Variants in SYCP2 observed in about 807,000 individuals in gnomAD.
SYCP2 encodes the protein synaptonemal complex lateral element protein.
SYCP2 carries 55 observed loss-of-function variants against 211.3 expected under a neutral mutation model. The ratio of observed to expected loss-of-function variants is 0.26; its 90% CI spans 0.21 to 0.33. The LOEUF is 0.33. Among genes scored for constraint, SYCP2 ranks in the 10% least tolerant of loss-of-function variants. The pLI is 1.00. For synonymous variants in SYCP2, 570 were observed against 555.2 expected (o/e 1.03, Z -0.37); for missense variants, 1,731 against 1,752.0 (o/e 0.99, Z 0.21).
intron 18 of SYCP2, among the ~76,000 whole-genome samples, chr20:59,899,366 C>G (rs2060071928): frequency 6.6e-6 from 1 of 152,100 alleles, no homozygotes; most frequent in Admixed American, 6.5e-5. Flanking sequence ...CAGGAAAGGT[C>G]TTGGAGAGAC....
chr20:59,919,968 T>C (rs995578799), intron 5 of SYCP2, among the ~76,000 whole-genome samples: 1 of 151,706 alleles, frequency 6.6e-6, no homozygotes. Context: ...ATTTAGATAT[T>C]TGAGTACATA....
At chr20:59,918,018 T>A (rs2060474598) in intron 7 of SYCP2, among the ~76,000 whole-genome samples, 1 of 152,226 alleles carries the variant, frequency 6.6e-6, no homozygotes, top group African/African-American at 2.4e-5. Flanking sequence ...CTTGTCAGTT[T>A]ACCCATGGTC....
chr20:59,870,013 A>C (rs1211660514), intron 35 of SYCP2, 30 bp from the exon 36 acceptor site: 1 of 1,447,432 alleles, frequency 6.9e-7, no homozygotes, highest in African/African-American at 1.4e-5. Flanking sequence ...AAAACCCAAT[A>C]AGAAGTTACA....
chr20:59,874,661 C>A (rs1423403242), intron 34 of SYCP2, among the ~76,000 whole-genome samples: 1 of 151,848 alleles, frequency 6.6e-6, no homozygotes, highest in Admixed American at 6.6e-5. Flanking sequence ...TGTATTTTAA[C>A]TGAAATGATT....
intron 2 of SYCP2, among the ~76,000 whole-genome samples, chr20:59,924,222 C>T (rs964224970): frequency 2.6e-5 from 4 of 151,960 alleles, no homozygotes; most frequent in Non-Finnish European, 5.9e-5. Context: ...GTCATTTCTC[C>T]ACCCAATTAA....
At chr20:59,885,058 C>G (rs1435089485) in intron 26 of SYCP2, 1 of 151,830 alleles carries the variant, frequency 6.6e-6, no homozygotes, top group African/African-American at 2.4e-5. Context: ...GTTTAAAGTT[C>G]ATTGCAAAGG....
At chr20:59,896,000 C>T (rs1414994735) in intron 19 of SYCP2, among the ~76,000 whole-genome samples, 3 of 151,912 alleles carry the variant, frequency 2.0e-5, no homozygotes, top group East Asian at 3.9e-4. Context: ...CACTAGGTAA[C>T]TTATTAAATG....
intron 26 of SYCP2, among the ~76,000 whole-genome samples, chr20:59,883,564 G>A (rs998732621): frequency 4.0e-5 from 6 of 151,670 alleles, no homozygotes; most frequent in Non-Finnish European, 8.8e-5. Flanking sequence ...ACCAAGACAA[G>A]AGGACATTAT....
intron 26 of SYCP2, among the ~76,000 whole-genome samples, chr20:59,883,199 A>ATTAGC (rs1676511162): frequency 6.6e-6 from 1 of 152,008 alleles, no homozygotes; most frequent in African/African-American, 2.4e-5. Flanking sequence ...AAATACAAAA[A>ATTAGC]TTAGCTGAGC....
At position 59,893,143 on chromosome 20, in the gene SYCP2, T is replaced by C. The variant is rs747646328; in HGVS notation, c.1792A>G (p.Ile598Val). 4.4e-6 allele frequency: 7 copies of C among 1,589,848 alleles called. No homozygotes were observed. The highest frequency in any genetic ancestry group is 1.7e-4 in the Middle Eastern group (1 of 5,784). The change falls in exon 22 of 45, where the codon ATA (isoleucine) becomes GTA (valine). Residue 598 changes from isoleucine (I) to valine (V), a missense_variant and splice_region_variant. By Grantham distance (29) the Ile-to-Val change is conservative (BLOSUM62 3). Around this residue, in one of 3 missense-constraint regions of SYCP2, gnomAD observed 1,387 missense variants for 1,351.3 expected, o/e 1.03. Coordinates refer to ENST00000357552, the MANE Select transcript of SYCP2 (RefSeq NM_014258.4). The part of the protein sequence containing the change: ...SQAAEKRDHT[I>V]LPGVLDNICG... ...ATTTGATGGTTTTCTCATACTTACA[T>C]AGTATGATCTCTTTTTTCCGCTGCC... is the stretch of plus-strand genomic sequence containing the variant.
chr20:59,868,314 A>T (rs1416034842), intron 38 of SYCP2, 99 bp downstream of exon 38: 21 of 1,244,304 alleles, frequency 1.7e-5, no homozygotes, highest in Non-Finnish European at 2.2e-5. Flanking sequence ...ACATATCCAA[A>T]GTTGTCTTTA....
At chr20:59,885,900 T>A (rs1048320272) in intron 26 of SYCP2, 28 bp downstream of exon 26, 1 of 1,559,768 alleles carries the variant, frequency 6.4e-7, no homozygotes, top group Non-Finnish European at 8.8e-7. Flanking sequence ...GACTATAGAT[T>A]TGGTGAAGTT....
At chr20:59,931,023 G>A (rs752772189) in intron 2 of SYCP2, among the ~76,000 whole-genome samples, 2 of 152,128 alleles carry the variant, frequency 1.3e-5, no homozygotes, top group Non-Finnish European at 2.9e-5. Flanking sequence ...TATGAATTAT[G>A]TAAGTATTTT....
chr20:59,917,758 G>A (rs1373216117), intron 7 of SYCP2, among the ~76,000 whole-genome samples: 1 of 152,138 alleles, frequency 6.6e-6, no homozygotes, highest in African/African-American at 2.4e-5. Context: ...AAAATAAGTT[G>A]GATCTGATTG....
At chr20:59,908,254 A>G (rs540940289) in intron 14 of SYCP2, among the ~76,000 whole-genome samples, 1 of 151,576 alleles carries the variant, frequency 6.6e-6, no homozygotes, top group South Asian at 2.1e-4. Context: ...ATCTCAAACA[A>G]AACAGAACAA....
Position 59,880,323 on chromosome 20 carries a change from T to C in SYCP2, c.2921A>G (p.Asn974Ser). The part of the protein sequence containing the change: ...IDYSRNKNVK[N>S]HKSGKSRSSL... ...CTTACTTGATTTTCCACTTTTATGATTCTTCACATTTTTATTTCTGCTATA... is the reference window on the plus strand; with the variant it reads ...CTTACTTGATTTTCCACTTTTATGACTCTTCACATTTTTATTTCTGCTATA... Residue 974 changes from asparagine to serine, a missense_variant, in exon 31 of 45, where the codon AAT becomes AGT. Around this residue, in one of 3 missense-constraint regions of SYCP2, gnomAD observed 1,387 missense variants for 1,351.3 expected, o/e 1.03. Transcript: ENST00000357552. The C allele has an allele frequency of 6.3e-7, 1 of 1,586,100 alleles. No homozygotes were observed. The highest frequency in any genetic ancestry group is 8.6e-7 in the Non-Finnish European group (1 of 1,164,444).
intron 15 of SYCP2, among the ~76,000 whole-genome samples, chr20:59,902,649 T>C (rs1293650671): frequency 6.6e-6 from 1 of 152,168 alleles, no homozygotes; most frequent in Non-Finnish European, 1.5e-5. Context: ...AAATGTCCTA[T>C]AGGCTATGAA....
chr20:59,892,634 C>T lies in SYCP2; in HGVS notation c.1861G>A (p.Val621Ile), dbSNP rs2059928914. 1.2e-6 allele frequency: 2 copies of T among 1,610,808 alleles called. No individual in the cohort carries two copies. The highest frequency in any genetic ancestry group is 1.3e-5 in the African/African-American group (1 of 74,850). Residue 621 changes from valine (V) to isoleucine (I), a missense_variant, in exon 23 of 45, where the codon GTA (valine) becomes ATA (isoleucine). Physicochemically the swap from Val to Ile is conservative, Grantham distance 29. Coordinates refer to ENST00000357552, the MANE Select transcript of SYCP2 (RefSeq NM_014258.4). ...TTATTACATAGTTCAATGTTTGTTA[C>T]AGGTGTCCAACATGCCCATTTGCTG... ...IHSKWACWTPVTNIELCNNQR... is the reference protein window; with the variant it reads ...IHSKWACWTPITNIELCNNQR...
chr20:59,872,039 T>C (rs1382383687), intron 35 of SYCP2, among the ~76,000 whole-genome samples: 1 of 151,928 alleles, frequency 6.6e-6, no homozygotes, highest in Non-Finnish European at 1.5e-5. Flanking sequence ...TTGGGGATTA[T>C]TTGGGAGAAG....
Sources: allele counts gnomAD v4.1 joint callset (sites outside exome capture counted in the v4.1 genomes callset), GRCh38; gene constraint gnomAD v4.1.1; regional missense constraint gnomAD v4.1.1; transcripts MANE v1.5; gene names NCBI Gene and HGNC (gene_info 2026-07-23, HGNC 2026-07-21).